The following REC114 variants were observed in gnomAD, a reference collection of about 807,000 sequenced individuals.
REC114 encodes the protein meiotic recombination protein REC114.
REC114 carries 27 observed loss-of-function variants against 31.3 expected under a neutral mutation model. The ratio of observed to expected loss-of-function variants is 0.86; its 90% confidence interval spans 0.64 to 1.19. The LOEUF (loss-of-function observed/expected upper bound fraction) is 1.19, where lower values mean the gene tolerates loss of function less well. REC114 is among the 50% of genes most tolerant of loss of function. The probability of loss-of-function intolerance (pLI) is 0.00; values close to 1 mark genes in which losing one functional copy is unlikely to be tolerated. For synonymous variants in REC114, 134 were observed against 127.7 expected (o/e 1.05, Z -0.33); for missense variants, 344 against 326.9 (o/e 1.05, Z -0.40).
chr15:73,473,806 A>G (rs373801971), intron 1 of REC114, 26 bp from the exon 2 acceptor site: 341 of 1,307,250 alleles, frequency 2.6e-4, no homozygotes, highest in Non-Finnish European at 3.4e-4. Context: ...TATCTTTTAC[A>G]TATTTTTCTC....
At chr15:73,500,791 TG>T (rs1481318550) in intron 2 of REC114, among the ~76,000 whole-genome samples, 1 of 149,460 alleles carries the variant, frequency 6.7e-6, no homozygotes, top group Non-Finnish European at 1.5e-5. Flanking sequence ...ATTGCAAAAC[TG>T]GGAGTTTCTC....
At chr15:73,527,939 C>G (rs1479844244) in intron 2 of REC114, among the ~76,000 whole-genome samples, 2 of 152,060 alleles carry the variant, frequency 1.3e-5, no homozygotes, top group East Asian at 3.8e-4. Context: ...AAGGCTATAT[C>G]AAAAGGACAG....
rs563634505 is a variant in REC114 at position 73,540,884 on chromosome 15, A to G, written c.333+316A>G. Among the ~76,000 whole-genome samples, 12 of 152,300 alleles carry G rather than the reference A, an allele frequency of 7.9e-5. No homozygotes were observed. In the South Asian group the frequency reaches 2.3e-3, roughly 29 times the overall value. Reference sequence around the variant, plus strand: ...TTTGTCTTGCGATTTGGATGTTTAAAAAGGTGTATACCTTCAAATGATTCA... The same window carrying G: ...TTTGTCTTGCGATTTGGATGTTTAAGAAGGTGTATACCTTCAAATGATTCA... On this transcript the variant is annotated intron_variant, in intron 3 of 5. Coordinates refer to ENST00000331090, the MANE Select transcript of REC114 (RefSeq NM_001042367.2).
intron 1 of REC114, among the ~76,000 whole-genome samples, chr15:73,471,715 T>C (rs1013465518): frequency 2.6e-5 from 4 of 151,976 alleles, no homozygotes; most frequent in Non-Finnish European, 5.9e-5. Flanking sequence ...AAGAGACATA[T>C]GTAAGAATGT....
intron 3 of REC114, among the ~76,000 whole-genome samples, chr15:73,546,123 CA>C (rs1433487716): frequency 6.6e-6 from 1 of 151,990 alleles, no homozygotes; most frequent in Non-Finnish European, 1.5e-5. Flanking sequence ...AGAAAAAATA[CA>C]AATGACCAAT....
chr15:73,526,294 G>A (rs1262375950), intron 2 of REC114, among the ~76,000 whole-genome samples: 4 of 152,042 alleles, frequency 2.6e-5, no homozygotes, highest in Admixed American at 2.0e-4. Context: ...TCAGGGTTTA[G>A]ACCCTTTGCA....
chr15:73,556,177 ATT>A (rs1034315848), intron 4 of REC114, 123 bp from the exon 5 acceptor site: 59 of 784,590 alleles, frequency 7.5e-5, no homozygotes, highest in Non-Finnish European at 1.1e-4. Flanking sequence ...GCTGACAACC[ATT>A]TTTATCACTC....
intron 2 of REC114, among the ~76,000 whole-genome samples, chr15:73,484,309 G>A (rs780660831): frequency 1.3e-5 from 2 of 151,962 alleles, no homozygotes; most frequent in Admixed American, 6.6e-5. Flanking sequence ...GTGCCATGCT[G>A]TGCCCTCTCC....
chr15:73,538,984 C>T (rs1470252308), intron 2 of REC114, among the ~76,000 whole-genome samples: 1 of 151,306 alleles, frequency 6.6e-6, no homozygotes, highest in African/African-American at 2.4e-5. Flanking sequence ...GAATTCCCGG[C>T]ATTGGGATTG....
chr15:73,537,759 C>T (rs1396126098), intron 2 of REC114, among the ~76,000 whole-genome samples: 2 of 152,202 alleles, frequency 1.3e-5, no homozygotes, highest in Admixed American at 6.5e-5. Flanking sequence ...GAAGCTTACA[C>T]AGCTCAAAAA....
At chr15:73,487,152 A>C (rs139118259) in intron 2 of REC114, among the ~76,000 whole-genome samples, 1 of 152,322 alleles carries the variant, frequency 6.6e-6, no homozygotes, top group East Asian at 1.9e-4. Flanking sequence ...TTGGCAATTA[A>C]GTTTCAACAT....
intron 2 of REC114, among the ~76,000 whole-genome samples, chr15:73,539,484 G>T (rs12912740): frequency 1 from 135,650 of 135,684 alleles, 67,808 homozygotes; most frequent in Middle Eastern, 1. Context: ...TTTTTTTTAA[G>T]GAAAGCATCA....
intron 2 of REC114, among the ~76,000 whole-genome samples, chr15:73,526,681 T>G (rs1894013024): frequency 6.6e-6 from 1 of 152,210 alleles, no homozygotes; most frequent in Non-Finnish European, 1.5e-5. Context: ...CTGCTAATTT[T>G]ATCATCTCTT....
chr15:73,548,058 A>G (rs1894334998), intron 3 of REC114, among the ~76,000 whole-genome samples: 1 of 152,154 alleles, frequency 6.6e-6, no homozygotes, highest in African/African-American at 2.4e-5. Flanking sequence ...AGGAACTTAA[A>G]TTTACAAGAA....
chr15:73,494,751 A>G (rs1457997146), intron 2 of REC114, among the ~76,000 whole-genome samples: 2 of 152,220 alleles, frequency 1.3e-5, no homozygotes, highest in Admixed American at 1.3e-4. Context: ...ATGTAGATGT[A>G]AATAATTCAC....
At chr15:73,462,437 T>C (rs1271558578) in intron 1 of REC114, among the ~76,000 whole-genome samples, 1 of 152,162 alleles carries the variant, frequency 6.6e-6, no homozygotes, top group Non-Finnish European at 1.5e-5. Context: ...TCGTTGTCCT[T>C]TGTGGTAAGC....
intron 2 of REC114, among the ~76,000 whole-genome samples, chr15:73,530,144 TATG>T (rs1344058790): frequency 6.6e-6 from 1 of 152,206 alleles, no homozygotes; most frequent in Non-Finnish European, 1.5e-5. Flanking sequence ...CAGTCTGAGA[TATG>T]ATATTAAGTG....
chr15:73,517,591 T>G (rs758954286), intron 2 of REC114, among the ~76,000 whole-genome samples: 1 of 152,190 alleles, frequency 6.6e-6, no homozygotes, highest in Non-Finnish European at 1.5e-5. Context: ...GTAGCCTCAT[T>G]TACTGAAGTT....
At chr15:73,496,337 G>A (rs1454670001) in intron 2 of REC114, among the ~76,000 whole-genome samples, 1 of 110,536 alleles carries the variant, frequency 9.0e-6, no homozygotes, top group Admixed American at 1.3e-4. Context: ...TGGTGACAGA[G>A]CAAGACTCCT....
Sources: allele counts gnomAD v4.1 joint callset (sites outside exome capture counted in the v4.1 genomes callset), GRCh38; gene constraint gnomAD v4.1.1; transcripts MANE v1.5; gene names NCBI Gene and HGNC (gene_info 2026-07-23, HGNC 2026-07-21).